The following MED12L variants were observed in gnomAD, a reference collection of about 807,000 sequenced individuals.
MED12L encodes mediator complex subunit 12L, also known as mediator of RNA polymerase II transcription subunit 12-like protein.
A neutral mutation model predicts 281.3 loss-of-function variants in MED12L; 60 were observed. The ratio of observed to expected loss-of-function variants is 0.21; its 90% CI spans 0.17 to 0.26. The LOEUF is 0.26. Ranked by LOEUF, MED12L falls within the 10% of genes least tolerant of loss-of-function variation. The pLI, the probability that MED12L is intolerant of heterozygous loss-of-function variation, is 1.00. For synonymous variants in MED12L, 974 were observed against 987.2 expected, an observed-to-expected ratio of 0.99 and a Z score of 0.25; for missense variants, 2,146 against 2,680.9, an observed-to-expected ratio of 0.80 and a Z score of 4.41.
intron 16 of MED12L, among the ~76,000 whole-genome samples, chr3:151,239,470 T>G (rs981861290): frequency 2.6e-5 from 4 of 152,212 alleles, no homozygotes; most frequent in Non-Finnish European, 5.9e-5. Context: ...AGAATCCAAC[T>G]GTCTTCTCTA....
intron 16 of MED12L, among the ~76,000 whole-genome samples, chr3:151,301,241 A>G (rs1388475948): frequency 1.3e-5 from 2 of 152,226 alleles, no homozygotes; most frequent in Non-Finnish European, 2.9e-5. Context: ...AGAATGACTG[A>G]CGCAGTTAAT....
intron 2 of MED12L, among the ~76,000 whole-genome samples, chr3:151,099,007 T>TA (rs140772264): frequency 0.019 from 2,828 of 152,172 alleles, 62 homozygotes; most frequent in African/African-American, 0.056. Flanking sequence ...GAAAACCCCT[T>TA]ATAAAACCAT....
intron 16 of MED12L, among the ~76,000 whole-genome samples, chr3:151,196,674 T>C (rs1448281686): frequency 1.3e-5 from 2 of 152,242 alleles, no homozygotes; most frequent in African/African-American, 4.8e-5. Flanking sequence ...TCATTTACAC[T>C]GTGTCAGATG....
At chr3:151,287,201 C>T (rs949085068) in intron 16 of MED12L, among the ~76,000 whole-genome samples, 1 of 152,152 alleles carries the variant, frequency 6.6e-6, no homozygotes, top group Non-Finnish European at 1.5e-5. Context: ...AAAATCAAGA[C>T]CTCAAGTAGT....
At chr3:151,206,640 A>ATTTTT (rs1216609130) in intron 16 of MED12L, among the ~76,000 whole-genome samples, 1 of 16,024 alleles carries the variant, frequency 6.2e-5, no homozygotes, top group Admixed American at 8.7e-4. Context: ...CTAACACATT[A>ATTTTT]TCTTTTTTTT....
At chr3:151,355,797 T>G (rs918710109) in intron 18 of MED12L, 99 bp from the exon 19 acceptor site, 1 of 1,023,084 alleles carries the variant, frequency 9.8e-7, no homozygotes, top group Non-Finnish European at 1.4e-6. Flanking sequence ...AGTAGAATCA[T>G]GTATAGATTC....
intron 31 of MED12L, 141 bp downstream of exon 31, chr3:151,378,314 C>A: frequency 1.2e-6 from 1 of 864,334 alleles, no homozygotes; most frequent in Non-Finnish European, 1.6e-6. Flanking sequence ...TTCTATTAGG[C>A]AAGGCTGTCT....
Position 151,328,055 on chromosome 3 carries a change from C to G in MED12L, c.2251-22004C>G. 6.2e-7 allele frequency: 1 copy of G among 1,606,398 alleles called. No homozygotes were observed. The highest frequency in any genetic ancestry group is 1.7e-5 in the Admixed American group (1 of 58,318). ...TTCTTGGCTTGATGCTGTGGTCTTT[C>G]TCCCTTGCATACATGGTAGCTTTTC... On this transcript the variant is annotated intron_variant, in intron 16 of 44. Coordinates refer to ENST00000687756, the MANE Select transcript of MED12L (RefSeq NM_001393769.1).
intron 30 of MED12L, 26 bp from the exon 31 acceptor site, chr3:151,377,986 G>A (rs372921912): frequency 3.5e-5 from 54 of 1,559,284 alleles, no homozygotes; most frequent in African/African-American, 1.6e-4. Flanking sequence ...TGCTTTCTCC[G>A]GTGTAACACC....
Position 151,164,009 on chromosome 3 carries a change from C to G in MED12L, c.1224C>G (p.Pro408=). ...DLLQVAPSSL[P]MPGGNTAFNQ... Reference sequence around the variant, plus strand: ...TGCAGGTGGCCCCGTCCAGCCTCCCCATGCCGGGTGGGAACACGGCTTTCA... The same window carrying G: ...TGCAGGTGGCCCCGTCCAGCCTCCCGATGCCGGGTGGGAACACGGCTTTCA... Residue 408 remains proline, a synonymous_variant, in exon 9 of 45, where the codon CCC becomes CCG. Transcript: ENST00000687756. The G allele has an allele frequency of 6.2e-7, 1 of 1,613,692 alleles. No homozygotes were observed. The highest frequency in any genetic ancestry group is 8.5e-7 in the Non-Finnish European group (1 of 1,179,768).
chr3:151,204,798 TTC>T (rs1214020706), intron 16 of MED12L, among the ~76,000 whole-genome samples: 15 of 152,284 alleles, frequency 9.9e-5, no homozygotes, highest in South Asian at 6.2e-4. Flanking sequence ...TTTTGACAGT[TTC>T]TGTTTTGCTT....
intron 16 of MED12L, among the ~76,000 whole-genome samples, chr3:151,206,529 A>G (rs1009647367): frequency 1.3e-5 from 2 of 151,784 alleles, no homozygotes; most frequent in Non-Finnish European, 2.9e-5. Context: ...AATTTATAAT[A>G]AAGAACTTTT....
intron 16 of MED12L, among the ~76,000 whole-genome samples, chr3:151,259,948 C>T (rs568177282): frequency 2.1e-4 from 32 of 152,276 alleles, no homozygotes; most frequent in Non-Finnish European, 3.4e-4. Context: ...AACCAATCCC[C>T]TTTTGGTATG....
At chr3:151,363,901 A>G (rs1157178662) in intron 21 of MED12L, among the ~76,000 whole-genome samples, 1 of 152,162 alleles carries the variant, frequency 6.6e-6, no homozygotes, top group African/African-American at 2.4e-5. Flanking sequence ...TCTTAAAGCT[A>G]TTGACAGTGG....
At chr3:151,120,491 A>G (rs904285240) in intron 3 of MED12L, among the ~76,000 whole-genome samples, 10 of 152,230 alleles carry the variant, frequency 6.6e-5, no homozygotes, top group African/African-American at 2.2e-4. Context: ...ATGTCCATTA[A>G]TGGTAGCTTG....
At chr3:151,250,800 G>T (rs1223228789) in intron 16 of MED12L, among the ~76,000 whole-genome samples, 1 of 152,162 alleles carries the variant, frequency 6.6e-6, no homozygotes, top group Admixed American at 6.5e-5. Flanking sequence ...AAAATTGCTG[G>T]ATCATGTGGT....
intron 16 of MED12L, among the ~76,000 whole-genome samples, chr3:151,292,722 G>A (rs1357709274): frequency 6.6e-6 from 1 of 151,700 alleles, no homozygotes; most frequent in African/African-American, 2.4e-5. Flanking sequence ...ACAGGCATGC[G>A]CCACCACGCC....
intron 39 of MED12L, among the ~76,000 whole-genome samples, chr3:151,397,992 T>G (rs745467168): frequency 5.2e-4 from 79 of 152,198 alleles, no homozygotes; most frequent in Non-Finnish European, 8.8e-4. Context: ...AACCCACTGG[T>G]TACCCCCTTT....
At chr3:151,109,256 C>T (rs1232987328) in intron 2 of MED12L, among the ~76,000 whole-genome samples, 4 of 152,082 alleles carry the variant, frequency 2.6e-5, no homozygotes, top group African/African-American at 7.2e-5. Context: ...GGGGTTTCAC[C>T]GTGTTAGCCA....
Sources: allele counts gnomAD v4.1 joint callset (sites outside exome capture counted in the v4.1 genomes callset), GRCh38; gene constraint gnomAD v4.1.1; transcripts MANE v1.5; gene names NCBI Gene and HGNC (gene_info 2026-07-23, HGNC 2026-07-21).